The following SLC25A33 variants were observed in gnomAD, a reference collection of about 807,000 sequenced individuals.
SLC25A33 encodes the protein bone marrow stromal cell mitochondrial carrier protein.
Under a neutral mutation model 35.5 loss-of-function variants are expected in SLC25A33, and 15 were observed. The ratio of observed to expected loss-of-function variants is 0.42; its 90% CI spans 0.28 to 0.65. SLC25A33 has a LOEUF of 0.65. Ranked by LOEUF, SLC25A33 falls within the 30% of genes least tolerant of loss-of-function variation. The pLI is 0.20. For synonymous variants in SLC25A33, 136 were observed against 148.7 expected (o/e 0.91, Z 0.62); for missense variants, 257 against 398.5 (o/e 0.64, Z 3.02).
intron 2 of SLC25A33, among the ~76,000 whole-genome samples, chr1:9,555,191 T>TA (rs767436109): frequency 1.3e-4 from 20 of 148,218 alleles, no homozygotes; most frequent in Non-Finnish European, 2.4e-4. Flanking sequence ...GATCTCCACT[T>TA]ACTGCAAGCT....
At chr1:9,563,720 T>C (rs1643459078) in intron 2 of SLC25A33, among the ~76,000 whole-genome samples, 1 of 152,188 alleles carries the variant, frequency 6.6e-6, no homozygotes, top group African/African-American at 2.4e-5. Flanking sequence ...CTTTTTTTTT[T>C]TCCTTTCTGA....
At chr1:9,547,995 G>A (rs552819901) in intron 1 of SLC25A33, among the ~76,000 whole-genome samples, 34 of 152,068 alleles carry the variant, frequency 2.2e-4, no homozygotes, top group Admixed American at 3.9e-4. Flanking sequence ...GGGTGGCTGA[G>A]ACTAGAGTAG....
At chr1:9,544,608 T>C (rs1489493579) in intron 1 of SLC25A33, among the ~76,000 whole-genome samples, 1 of 151,740 alleles carries the variant, frequency 6.6e-6, no homozygotes, top group East Asian at 1.9e-4. Context: ...GAATTTACAG[T>C]GTATACAGAA....
chr1:9,573,886 TTGTGGGGCTCTG>T (rs1643623417), intron 5 of SLC25A33, among the ~76,000 whole-genome samples: 1 of 152,216 alleles, frequency 6.6e-6, no homozygotes, highest in Non-Finnish European at 1.5e-5. Context: ...TTGTAACATT[TTGTGGGGCTCTG>T]TGGATTCCTT....
intron 1 of SLC25A33, among the ~76,000 whole-genome samples, chr1:9,550,011 A>ATATATATATATTTTT (rs754618497): frequency 4.1e-5 from 2 of 48,864 alleles, no homozygotes; most frequent in African/African-American, 7.8e-5. Flanking sequence ...ATATATATAT[A>ATATATATATATTTTT]TTTTTTTTTT....
chr1:9,566,408 G>A (rs1045860694), intron 2 of SLC25A33, among the ~76,000 whole-genome samples: 3 of 152,280 alleles, frequency 2.0e-5, no homozygotes, highest in African/African-American at 7.2e-5. Flanking sequence ...ATTGTTAGAA[G>A]CAGTAAATCC....
At chr1:9,559,657 T>TAGG (rs1417618120) in intron 2 of SLC25A33, among the ~76,000 whole-genome samples, 25 of 152,098 alleles carry the variant, frequency 1.6e-4, no homozygotes, top group African/African-American at 6.0e-4. Context: ...AGTCTGTAAC[T>TAGG]CAGGACTTAC....
chr1:9,579,908 C>T, intron 5 of SLC25A33, 46 bp from the exon 6 acceptor site: 1 of 1,578,942 alleles, frequency 6.3e-7, no homozygotes, highest in South Asian at 1.2e-5. Context: ...CTGTGTTCCA[C>T]CATGATATGT....
intron 5 of SLC25A33, 135 bp from the exon 6 acceptor site, chr1:9,579,819 C>G: frequency 9.6e-7 from 1 of 1,043,080 alleles, no homozygotes; most frequent in Non-Finnish European, 1.4e-6. Context: ...AAGACAAGGG[C>G]TATGAGAGTT....
chr1:9,546,042 T>G lies in SLC25A33; in HGVS notation c.56+6295T>G, dbSNP rs576251152. Among the ~76,000 whole-genome samples, 13 of 152,124 alleles carry G rather than the reference T, an allele frequency of 8.5e-5. No individual in the cohort carries two copies. In the South Asian group the frequency reaches 1.9e-3, roughly 22 times the overall value. ...AATTAGTAGTTTCTTTTTAGAAAAT[T>G]AGGCAAATAGACTTCAAAGAATATC... On this transcript the variant is annotated intron_variant, in intron 1 of 6. Coordinates refer to ENST00000302692, the MANE Select transcript of SLC25A33 (RefSeq NM_032315.3).
intron 2 of SLC25A33, among the ~76,000 whole-genome samples, chr1:9,562,919 C>CTT (rs370570053): frequency 0.14 from 17,595 of 126,564 alleles, 1,429 homozygotes; most frequent in East Asian, 0.26. Flanking sequence ...AAAATAATAG[C>CTT]TTTTTTTTTT....
In SLC25A33 at chr1:9,583,484, G is replaced by T. The variant is rs919799658; in HGVS notation, c.*983G>T. On this transcript the variant is annotated 3_prime_UTR_variant, in exon 7 of 7. Coordinates refer to ENST00000302692, the MANE Select transcript of SLC25A33 (RefSeq NM_032315.3). ...ATCAATGGCCTGGCTCCTGGATATAGTTCCGGAAGTTAAGACCAGTTGCCT... is the reference window on the plus strand; with the variant it reads ...ATCAATGGCCTGGCTCCTGGATATATTTCCGGAAGTTAAGACCAGTTGCCT... 1.3e-5 allele frequency: 2 copies of T among 152,146 alleles called. No individual in the cohort carries two copies. The highest frequency in any genetic ancestry group is 1.5e-5 in the Non-Finnish European group (1 of 68,026). 9.4% of individuals were successfully genotyped at this position (152,146 alleles called of 1,614,324 possible). A position where few individuals can be genotyped will look rare whatever the true frequency, so the allele number is the denominator to read the frequency against.
Position 9,582,309 on chromosome 1 carries a change from G to A in SLC25A33, c.774G>A (p.Arg258=), listed in dbSNP as rs2100418069. 3.1e-6 allele frequency: 5 copies of A among 1,614,002 alleles called. No homozygotes were observed. The highest frequency in any genetic ancestry group is 4.2e-6 in the Non-Finnish European group (5 of 1,179,868). Residue 258 remains arginine (R), a synonymous_variant, in exon 7 of 7, where the codon AGG becomes AGA. Transcript: ENST00000302692. The surrounding 1 kb of genome is among the most constrained non-coding windows in gnomAD (Gnocchi z 4.0). ...SCIAYPHEVI[R]TRLREEGTKY... ...TTTCTCTCTCTGCAGAAGTCATAAG[G>A]ACGAGGCTCCGGGAAGAGGGCACCA...
chr1:9,549,492 T>C (rs1282154831), intron 1 of SLC25A33, among the ~76,000 whole-genome samples: 3 of 89,398 alleles, frequency 3.4e-5, no homozygotes, highest in African/African-American at 8.9e-5. Flanking sequence ...GAGGAACTGA[T>C]GGTGGGATCA....
intron 1 of SLC25A33, among the ~76,000 whole-genome samples, chr1:9,541,706 A>G (rs1390571933): frequency 1.4e-5 from 2 of 146,314 alleles, no homozygotes; most frequent in Non-Finnish European, 3.0e-5. Flanking sequence ...TTTGTCTCAC[A>G]CGTTTTTTAA....
intron 5 of SLC25A33, chr1:9,576,553 G>A: frequency 7.3e-6 from 4 of 549,928 alleles, no homozygotes; most frequent in Non-Finnish European, 1.4e-5. Flanking sequence ...TCACATCAAT[G>A]TAGAACTCAG....
At chr1:9,550,535 G>A (rs1169568294) in intron 1 of SLC25A33, among the ~76,000 whole-genome samples, 5 of 152,050 alleles carry the variant, frequency 3.3e-5, no homozygotes, top group South Asian at 2.1e-4. Context: ...ATTTTACTAC[G>A]TAGCTGGTAA....
At chr1:9,556,693 GTGTGTGTC>G (rs1257193422) in intron 2 of SLC25A33, among the ~76,000 whole-genome samples, 167 of 151,828 alleles carry the variant, frequency 1.1e-3, no homozygotes, top group African/African-American at 4.0e-3. Context: ...GTGTGTGTGT[GTGTGTGTC>G]TGTGTGTGTG....
At chr1:9,548,633 A>G (rs1643214976) in intron 1 of SLC25A33, among the ~76,000 whole-genome samples, 1 of 152,208 alleles carries the variant, frequency 6.6e-6, no homozygotes, top group South Asian at 2.1e-4. Flanking sequence ...GAGGTTATAA[A>G]TAGAATGTTA....
Sources: gnomAD v4.1 joint callset for allele counts (sites outside exome capture counted in the v4.1 genomes callset) on GRCh38, gnomAD v4.1.1 for gene constraint, Gnocchi (gnomAD v3.1) non-coding constraint, MANE v1.5 for transcripts, NCBI Gene and HGNC (gene_info 2026-07-23, HGNC 2026-07-21) for gene names.